TSC22D1: variants seen among roughly 807,000 people sequenced by gnomAD.
The protein encoded by TSC22D1 is TSC22 domain family protein 1.
Under a neutral mutation model 74.2 loss-of-function variants are expected in TSC22D1, and 9 were observed. The ratio of observed to expected loss-of-function variants is 0.12; its 90% confidence interval spans 0.07 to 0.21. The LOEUF (loss-of-function observed/expected upper bound fraction) is 0.21. Ranked by LOEUF, TSC22D1 falls within the 10% of genes least tolerant of loss-of-function variation. The pLI, the probability that TSC22D1 is intolerant of heterozygous loss-of-function variation, is 1.00. For synonymous variants in TSC22D1, 586 were observed against 492.5 expected (o/e 1.19, Z -2.51); for missense variants, 1,427 against 1,304.7 (o/e 1.09, Z -1.44).
In TSC22D1 at chr13:44,466,480, A is replaced by ATT. The variant is rs928378086; in HGVS notation, c.2913-30387_2913-30386dup. ...AGGAGGGGATATTTTAAAAATACAG[A>ATT]TTCCTTGGCCGGGCATAGTGGCTCA... On this transcript the variant is annotated intron_variant, in intron 1 of 2. Coordinates refer to ENST00000458659, the MANE Select transcript of TSC22D1 (RefSeq NM_183422.4). 3.2e-4 allele frequency among the ~76,000 whole-genome samples: 48 copies of ATT among 152,264 alleles called. 1 individual carries two copies. The highest frequency in any genetic ancestry group is 1.1e-3 in the African/African-American group (44 of 41,548).
intron 1 of TSC22D1, among the ~76,000 whole-genome samples, chr13:44,457,260 T>C (rs1876711557): frequency 6.6e-6 from 1 of 152,228 alleles, no homozygotes; most frequent in Non-Finnish European, 1.5e-5. Context: ...GGCACGTTTG[T>C]TACTCTGCAA....
intron 1 of TSC22D1, among the ~76,000 whole-genome samples, chr13:44,564,262 C>T (rs1226279804): frequency 3.9e-5 from 6 of 151,928 alleles, no homozygotes; most frequent in Non-Finnish European, 7.4e-5. Flanking sequence ...TTGAAATAGG[C>T]TTTGAATATA....
Position 44,433,870 on chromosome 13 carries a change from G to C in TSC22D1, c.*756C>G, listed in dbSNP as rs1874269132. 7.6e-6 allele frequency: 8 copies of C among 1,050,536 alleles called. No homozygotes were observed. In the Admixed American group the frequency reaches 1.4e-4, roughly 18 times the overall value. The allele number at this position is 1,050,536 out of a possible 1,614,324, so 65.1% of individuals were successfully genotyped here. A position where few individuals can be genotyped will look rare whatever the true frequency, so the allele number is the denominator to read the frequency against. On this transcript the variant is annotated 3_prime_UTR_variant, in exon 3 of 3. Transcript: ENST00000458659. ...TTTTTATGTAGATCTATATATAAAAGTCCACACCTCCTCAGACAGCCAATG... is the reference window on the plus strand; with the variant it reads ...TTTTTATGTAGATCTATATATAAAACTCCACACCTCCTCAGACAGCCAATG...
At chr13:44,448,578 C>T (rs1875871588) in intron 1 of TSC22D1, among the ~76,000 whole-genome samples, 1 of 152,182 alleles carries the variant, frequency 6.6e-6, no homozygotes, top group African/African-American at 2.4e-5. Flanking sequence ...GCTGGGGACA[C>T]AGTGTGTTTA....
chr13:44,572,302 C>T (rs758927842), intron 1 of TSC22D1, among the ~76,000 whole-genome samples: 3 of 152,092 alleles, frequency 2.0e-5, no homozygotes, highest in African/African-American at 2.4e-5. Flanking sequence ...TTCCAATCTA[C>T]GTGAAAAAAC....
At position 44,461,791 on chromosome 13, in the gene TSC22D1, C is replaced by T. The variant is rs75526512; in HGVS notation, c.2913-25696G>A. ...GAAATTCACCCCACAGCACATGAGC[C>T]CCAGCCAATCAGAACAGATACCAGT... On this transcript the variant is annotated intron_variant, in intron 1 of 2. Coordinates refer to ENST00000458659, the MANE Select transcript of TSC22D1 (RefSeq NM_183422.4). 2.7e-3 allele frequency among the ~76,000 whole-genome samples: 416 copies of T among 152,148 alleles called. 6 individuals carry two copies. In the East Asian group the frequency reaches 0.065, roughly 24 times the overall value.
At chr13:44,494,555 C>G (rs1025473478) in intron 1 of TSC22D1, among the ~76,000 whole-genome samples, 1 of 151,364 alleles carries the variant, frequency 6.6e-6, no homozygotes, top group Non-Finnish European at 1.5e-5. Context: ...GAGACCCCAT[C>G]TCAAAAAAAA....
rs970829961 is a variant in TSC22D1, at chr13:44,573,895, C to G, written c.2180G>C (p.Ser727Thr). Reference sequence around the variant, plus strand: ...TTGCTGACCAATATTTGCAATCTGACTGCCAGTAGGTACAGCAGACACTGC... The same window carrying G: ...TTGCTGACCAATATTTGCAATCTGAGTGCCAGTAGGTACAGCAGACACTGC... Reference protein sequence around the residue: ...PAAVSAVPTGSQIANIGQQAN... With the variant: ...PAAVSAVPTGTQIANIGQQAN... Residue 727 changes from serine to threonine, a missense_variant, in exon 1 of 3, where the codon AGT becomes ACT. By Grantham distance (58) the Ser-to-Thr change is moderately conservative. Transcript: ENST00000458659. The G allele has an allele frequency of 3.1e-6, 5 of 1,614,198 alleles. No homozygotes were observed.
intron 1 of TSC22D1, among the ~76,000 whole-genome samples, chr13:44,458,894 T>G (rs1292567630): frequency 6.6e-6 from 1 of 152,078 alleles, no homozygotes. Context: ...GGCAGCTCCA[T>G]GCAAACCTGC....
At chr13:44,448,510 G>C (rs1875864991) in intron 1 of TSC22D1, among the ~76,000 whole-genome samples, 1 of 152,178 alleles carries the variant, frequency 6.6e-6, no homozygotes, top group Non-Finnish European at 1.5e-5. Context: ...GCTCCAGAAT[G>C]TCTAATGTAG....
At position 44,452,449 on chromosome 13, in the gene TSC22D1, G is replaced by A. The variant is rs1016708954; in HGVS notation, c.2913-16354C>T. On this transcript the variant is annotated intron_variant, in intron 1 of 2. Transcript: ENST00000458659. ...GATGACACCCTACAGTGGGCACGAG[G>A]GTGAGGGCAATCATATTTGCCAGTG... 6.6e-5 allele frequency among the ~76,000 whole-genome samples: 10 copies of A among 152,306 alleles called. No homozygotes were observed. The East Asian group carries it at 1.4e-3, about 21-fold the overall frequency.
intron 1 of TSC22D1, among the ~76,000 whole-genome samples, chr13:44,497,825 C>G (rs1311520035): frequency 1.3e-5 from 2 of 152,166 alleles, no homozygotes; most frequent in African/African-American, 4.8e-5. Context: ...CATTTAATCC[C>G]TTCTGAAGTT....
At chr13:44,465,979 A>AAAACAAACAAACAAAC (rs3046029) in intron 1 of TSC22D1, among the ~76,000 whole-genome samples, 2 of 151,170 alleles carry the variant, frequency 1.3e-5, no homozygotes, top group Non-Finnish European at 2.9e-5. Context: ...GCCTCAAGAA[A>AAAACAAACAAACAAAC]AAACAAACAA....
At chr13:44,555,603 C>T (rs1173910175) in intron 1 of TSC22D1, among the ~76,000 whole-genome samples, 1 of 150,308 alleles carries the variant, frequency 6.7e-6, no homozygotes, top group East Asian at 1.9e-4. Flanking sequence ...AAGACCCTGT[C>T]TAAAAATAAA....
intron 1 of TSC22D1, among the ~76,000 whole-genome samples, chr13:44,446,871 G>T (rs1404568718): frequency 1.1e-4 from 1 of 9,172 alleles, no homozygotes; most frequent in African/African-American, 1.5e-4. Flanking sequence ...AGAAGAAAAA[G>T]AAACATATTT....
intron 1 of TSC22D1, among the ~76,000 whole-genome samples, chr13:44,446,415 T>C (rs1875645669): frequency 6.6e-6 from 1 of 152,042 alleles, no homozygotes; most frequent in African/African-American, 2.4e-5. Context: ...TAAACTGTAG[T>C]GGTGTTATGC....
chr13:44,540,906 T>C (rs1277470320), intron 1 of TSC22D1, among the ~76,000 whole-genome samples: 1 of 152,124 alleles, frequency 6.6e-6, no homozygotes, highest in Non-Finnish European at 1.5e-5. Flanking sequence ...TGGTACAGAG[T>C]AATACATCCC....
intron 1 of TSC22D1, among the ~76,000 whole-genome samples, chr13:44,480,416 G>A (rs1319937574): frequency 1.3e-5 from 2 of 151,908 alleles, no homozygotes; most frequent in African/African-American, 2.4e-5. Flanking sequence ...AATTGTAGGT[G>A]CCTGGGACAT....
chr13:44,515,176 C>T (rs911287988), intron 1 of TSC22D1, among the ~76,000 whole-genome samples: 10 of 152,010 alleles, frequency 6.6e-5, no homozygotes, highest in Non-Finnish European at 1.3e-4. Flanking sequence ...GGAACGACAC[C>T]TGTACAAAGT....
Sources: gnomAD v4.1 joint callset for allele counts (sites outside exome capture counted in the v4.1 genomes callset) on GRCh38, gnomAD v4.1.1 for gene constraint, MANE v1.5 for transcripts, NCBI Gene and HGNC (gene_info 2026-07-23, HGNC 2026-07-21) for gene names.